MAGI2: variants seen among roughly 807,000 people sequenced by gnomAD.
MAGI2 encodes membrane associated guanylate kinase, WW and PDZ domain containing 2, also known as membrane-associated guanylate kinase, WW and PDZ domain-containing protein 2.
Under a neutral mutation model 133.3 loss-of-function variants are expected in MAGI2, and 35 were observed. That is an observed-to-expected ratio of 0.26 (90% confidence interval 0.20 to 0.35). The LOEUF (loss-of-function observed/expected upper bound fraction) is 0.35, where lower values mean the gene tolerates loss of function less well. MAGI2 is among the 10% of genes least tolerant of loss of function. The probability of loss-of-function intolerance (pLI) is 1.00; values close to 1 mark genes in which losing one functional copy is unlikely to be tolerated. For synonymous variants in MAGI2, 729 were observed against 710.6 expected (o/e 1.03, Z -0.41); for missense variants, 1,636 against 1,863.4 (o/e 0.88, Z 2.25).
intron 1 of MAGI2, among the ~76,000 whole-genome samples, chr7:79,258,140 G>C (rs1235785132): frequency 4.6e-5 from 7 of 151,946 alleles, no homozygotes; most frequent in Non-Finnish European, 7.4e-5. Flanking sequence ...GTATGTCAGG[G>C]GTCAAAAGAA....
chr7:78,511,257 T>C (rs1009104769), intron 4 of MAGI2, among the ~76,000 whole-genome samples: 7 of 152,002 alleles, frequency 4.6e-5, no homozygotes, highest in Non-Finnish European at 5.9e-5. Flanking sequence ...AATATAATTA[T>C]TTGTAAACTT....
chr7:78,029,521 A>T (rs774405910), intron 21 of MAGI2, among the ~76,000 whole-genome samples: 5 of 152,256 alleles, frequency 3.3e-5, no homozygotes, highest in Non-Finnish European at 7.3e-5. Flanking sequence ...TGTAAAACAG[A>T]TAAAAATGGA....
chr7:78,982,186 G>A (rs1278877748), intron 2 of MAGI2, among the ~76,000 whole-genome samples: 1 of 151,810 alleles, frequency 6.6e-6, no homozygotes, highest in African/African-American at 2.4e-5. Context: ...GAAGCTAGAG[G>A]TTTTAAAACA....
At chr7:78,203,731 A>G (rs556744125) in intron 10 of MAGI2, among the ~76,000 whole-genome samples, 1 of 152,266 alleles carries the variant, frequency 6.6e-6, no homozygotes, top group Non-Finnish European at 1.5e-5. Context: ...CCTTAAAAAT[A>G]AATGCTATTT....
At chr7:78,357,423 G>A (rs1231481086) in intron 7 of MAGI2, among the ~76,000 whole-genome samples, 1 of 152,094 alleles carries the variant, frequency 6.6e-6, no homozygotes, top group African/African-American at 2.4e-5. Flanking sequence ...TACATATGAG[G>A]TCAGTGCCCC....
rs183183821 is a variant in MAGI2, at chr7:78,917,662, C to A, written c.418+89428G>T. Among the ~76,000 whole-genome samples, 16 of 152,232 alleles carry A rather than the reference C, an allele frequency of 1.1e-4. No individual in the cohort carries two copies. In the East Asian group the frequency reaches 3.1e-3, roughly 29 times the overall value. The stretch of plus-strand genomic sequence containing the variant: ...AGATCCCACAAGATAAAAGGCTCAG[C>A]CCCACAAGACTGCCCTCAGTACAAA... On this transcript the variant is annotated intron_variant, in intron 2 of 21. Coordinates refer to ENST00000354212, the MANE Select transcript of MAGI2 (RefSeq NM_012301.4).
intron 7 of MAGI2, chr7:78,359,551 T>A (rs1300556078): frequency 2.0e-5 from 3 of 152,210 alleles, no homozygotes; most frequent in Admixed American, 6.5e-5. Flanking sequence ...TCTTTGGATA[T>A]CAAGTATATT....
intron 1 of MAGI2, among the ~76,000 whole-genome samples, chr7:79,429,307 T>G (rs1233545558): frequency 6.6e-6 from 1 of 152,090 alleles, no homozygotes; most frequent in Non-Finnish European, 1.5e-5. Context: ...TTTCTACTTT[T>G]TTTTTTGTTT....
intron 4 of MAGI2, among the ~76,000 whole-genome samples, chr7:78,516,628 C>A (rs1053843836): frequency 7.2e-5 from 11 of 152,216 alleles, no homozygotes; most frequent in African/African-American, 2.6e-4. Flanking sequence ...GCTGGGATTA[C>A]AAGTGTGAGT....
chr7:79,175,938 A>G (rs1826054027), intron 1 of MAGI2, among the ~76,000 whole-genome samples: 1 of 151,996 alleles, frequency 6.6e-6, no homozygotes, highest in Admixed American at 6.6e-5. Flanking sequence ...TTCTTAATAC[A>G]AACCTTGCAT....
At chr7:78,693,589 T>C (rs1817194954) in intron 2 of MAGI2, among the ~76,000 whole-genome samples, 1 of 152,164 alleles carries the variant, frequency 6.6e-6, no homozygotes, top group Non-Finnish European at 1.5e-5. Flanking sequence ...AATACAAATG[T>C]TCAGAGGCTT....
chr7:79,251,940 A>G (rs1185469612), intron 1 of MAGI2, among the ~76,000 whole-genome samples: 1 of 151,984 alleles, frequency 6.6e-6, no homozygotes, highest in African/African-American at 2.4e-5. Flanking sequence ...GAGGATCACT[A>G]GAGCCCAGGA....
rs571214869 is a variant in MAGI2, at chr7:79,213,938, C to T, written c.302-206732G>A. ...TTTCTTGCTCTGACAAGGACTATCA[C>T]GGAAAATTAATCAGGGAGATAAAAG... On this transcript the variant is annotated intron_variant, in intron 1 of 21. Coordinates refer to ENST00000354212, the MANE Select transcript of MAGI2 (RefSeq NM_012301.4). Among the ~76,000 whole-genome samples the T allele has an allele frequency of 1.2e-3, 176 of 151,966 alleles. 3 individuals are homozygous for T. The highest frequency in any genetic ancestry group is 3.8e-3 in the African/African-American group (156 of 41,356).
intron 6 of MAGI2, among the ~76,000 whole-genome samples, chr7:78,374,934 G>A (rs1186179638): frequency 6.6e-6 from 1 of 151,958 alleles, no homozygotes; most frequent in Non-Finnish European, 1.5e-5. Flanking sequence ...TTACCTCCTG[G>A]GTTCAAGCAA....
chr7:79,015,630 T>G (rs1181282359), intron 1 of MAGI2, among the ~76,000 whole-genome samples: 1 of 152,164 alleles, frequency 6.6e-6, no homozygotes, highest in East Asian at 1.9e-4. Flanking sequence ...TGATTTGAAC[T>G]GCTACAAGAC....
At chr7:78,735,295 T>A (rs1385068343) in intron 2 of MAGI2, among the ~76,000 whole-genome samples, 2 of 152,220 alleles carry the variant, frequency 1.3e-5, no homozygotes, top group African/African-American at 4.8e-5. Flanking sequence ...TGGCCTCACA[T>A]ACAGACAACC....
intron 21 of MAGI2, among the ~76,000 whole-genome samples, chr7:78,027,933 A>G (rs997286686): frequency 6.6e-6 from 1 of 152,248 alleles, no homozygotes; most frequent in African/African-American, 2.4e-5. Context: ...GGGTTAGACA[A>G]TACTGGTGTG....
chr7:78,189,554 G>A (rs530854965), intron 12 of MAGI2, among the ~76,000 whole-genome samples: 2 of 152,302 alleles, frequency 1.3e-5, no homozygotes, highest in South Asian at 4.1e-4. Context: ...TACCACAAAG[G>A]AGTGTGGACA....
intron 21 of MAGI2, among the ~76,000 whole-genome samples, chr7:78,044,868 C>T (rs1811253726): frequency 2.0e-5 from 3 of 152,200 alleles, no homozygotes; most frequent in Non-Finnish European, 4.4e-5. Flanking sequence ...ATAAGTCTGT[C>T]TCAGAAATCT....
Sources: allele counts gnomAD v4.1 joint callset (sites outside exome capture counted in the v4.1 genomes callset), GRCh38; gene constraint gnomAD v4.1.1; transcripts MANE v1.5; gene names NCBI Gene and HGNC (gene_info 2026-07-23, HGNC 2026-07-21).